OSBPL5: variants seen among roughly 807,000 people sequenced by gnomAD.
The protein encoded by OSBPL5 is oxysterol-binding protein-related protein 5.
Under a neutral mutation model 111.2 loss-of-function variants are expected in OSBPL5, and 71 were observed. The observed-to-expected ratio is 0.64, with a 90% CI of 0.53 to 0.78. The LOEUF (loss-of-function observed/expected upper bound fraction) is 0.78. OSBPL5 is among the 30% of genes least tolerant of loss of function. The pLI is 0.00. For synonymous variants in OSBPL5, 549 were observed against 513.9 expected, an observed-to-expected ratio of 1.07 and a Z score of -0.93; for missense variants, 1,210 against 1,189.3, an observed-to-expected ratio of 1.02 and a Z score of -0.26.
In OSBPL5 at chr11:3,142,952, A is replaced by T. The variant is rs916343202; in HGVS notation, c.-21-13783T>A. Reference sequence around the variant, plus strand: ...TGAGCAGAGACCCTTGGGACCCAGCATCTGGGTCTGGACGGTCCTGGAGCC... The same window carrying T: ...TGAGCAGAGACCCTTGGGACCCAGCTTCTGGGTCTGGACGGTCCTGGAGCC... On this transcript the variant is annotated intron_variant, in intron 1 of 21. Transcript: ENST00000263650. This position sits in a 1 kb window ranked among gnomAD's most constrained non-coding sequence, Gnocchi z 7.1. 1.4e-5 allele frequency among the ~76,000 whole-genome samples: 2 copies of T among 143,094 alleles called. No homozygotes were observed. The highest frequency in any genetic ancestry group is 2.6e-5 in the African/African-American group (1 of 38,740). 93.9% of individuals were successfully genotyped at this position (143,094 alleles called of 152,430 possible). A position where few individuals can be genotyped will look rare whatever the true frequency, so the allele number is the denominator to read the frequency against.
intron 1 of OSBPL5, among the ~76,000 whole-genome samples, chr11:3,135,935 C>T (rs1027617739): frequency 1.6e-4 from 24 of 152,228 alleles, no homozygotes; most frequent in African/African-American, 5.3e-4. Flanking sequence ...GACCACCCCT[C>T]CCCAACCCCC....
chr11:3,155,661 C>T (rs1017871555), intron 1 of OSBPL5, among the ~76,000 whole-genome samples: 3 of 147,372 alleles, frequency 2.0e-5, no homozygotes, highest in Non-Finnish European at 4.6e-5. Flanking sequence ...TCACTCACCC[C>T]AGCTCTGCCA....
chr11:3,147,994 C>A (rs1269919677), intron 1 of OSBPL5, among the ~76,000 whole-genome samples: 1 of 152,208 alleles, frequency 6.6e-6, no homozygotes, highest in African/African-American at 2.4e-5. Flanking sequence ...GGTCACTCTC[C>A]TGTTCCTCAT....
chr11:3,134,737 G>A (rs915657858), intron 1 of OSBPL5, among the ~76,000 whole-genome samples: 2 of 151,604 alleles, frequency 1.3e-5, no homozygotes, highest in Admixed American at 6.6e-5. Context: ...GGGCCGGGGA[G>A]CCCACAGGGG....
In OSBPL5 at chr11:3,093,563, A is replaced by C. The variant is rs1393109677; in HGVS notation, c.1910T>G (p.Val637Gly). ...CAGCTCCGTCTGCTCCTCCAGCGGC[A>C]CCGTGTGCTGCCTCAGCCTCTGTCT... is the stretch of plus-strand genomic sequence containing the variant. ...VRRQRLRQHT[V>G]PLEEQTELES... is the part of the protein sequence containing the mutation. Residue 637 changes from valine (V) to glycine (G), a missense_variant, in exon 17 of 22, where the codon GTG becomes GGG. Coordinates refer to ENST00000263650, the MANE Select transcript of OSBPL5 (RefSeq NM_020896.4). The C allele has an allele frequency of 6.2e-7, 1 of 1,611,732 alleles. No homozygotes were observed. The highest frequency in any genetic ancestry group is 8.5e-7 in the Non-Finnish European group (1 of 1,179,924).
rs138994429 is a variant in OSBPL5 at position 3,142,647 on chromosome 11, C to G, written c.-21-13478G>C. On this transcript the variant is annotated intron_variant, in intron 1 of 21. Coordinates refer to ENST00000263650, the MANE Select transcript of OSBPL5 (RefSeq NM_020896.4). This position sits in a 1 kb window ranked among gnomAD's most constrained non-coding sequence, Gnocchi z 7.1. ...TGGGTGGTGCGTTTATCAACAGGAC[C>G]GCTGGTTTCATGTCTCTGTCTCTCC... Among the ~76,000 whole-genome samples the G allele has an allele frequency of 6.6e-6, 1 of 152,166 alleles. No homozygotes were observed. The highest frequency in any genetic ancestry group is 1.5e-5 in the Non-Finnish European group (1 of 68,032).
At chr11:3,136,094 C>T (rs890658839) in intron 1 of OSBPL5, among the ~76,000 whole-genome samples, 1 of 152,234 alleles carries the variant, frequency 6.6e-6, no homozygotes, top group South Asian at 2.1e-4. Context: ...GCCTGGCCAG[C>T]CCTGTGTCCC....
At chr11:3,159,682 G>A (rs1224410102) in intron 1 of OSBPL5, among the ~76,000 whole-genome samples, 1 of 152,204 alleles carries the variant, frequency 6.6e-6, no homozygotes, top group African/African-American at 2.4e-5. Flanking sequence ...GTGCACCTGG[G>A]GAGGGCCAGG....
Position 3,094,252 on chromosome 11 carries a change from C to T in OSBPL5, c.1704G>A (p.Leu568=). Residue 568 remains leucine (L), a synonymous_variant, in exon 15 of 22, where the codon CTG becomes CTA. Coordinates refer to ENST00000263650, the MANE Select transcript of OSBPL5 (RefSeq NM_020896.4). The part of the protein sequence containing the change: ...ECAKNNFQAQ[L]EFKLKPFFGG... ...CCAGCGCTACCTTGAGTTTGAATTC[C>T]AGCTGGGCCTGGAAGTTGTTCTTCG... 6.2e-7 allele frequency: 1 copy of T among 1,613,524 alleles called. No individual in the cohort carries two copies. The highest frequency in any genetic ancestry group is 8.5e-7 in the Non-Finnish European group (1 of 1,179,956).
intron 13 of OSBPL5, 99 bp downstream of exon 13, chr11:3,101,504 C>A (rs909876753): frequency 1.3e-5 from 15 of 1,131,164 alleles, no homozygotes; most frequent in Non-Finnish European, 1.9e-5. Context: ...GGGACAGGCA[C>A]ATGGCCCCCA....
rs990919298 is a variant in OSBPL5, at chr11:3,092,748, C to T, written c.2132+119G>A. 1.5e-5 allele frequency: 20 copies of T among 1,376,728 alleles called. No homozygotes were observed. The highest frequency in any genetic ancestry group is 8.9e-5 in the South Asian group (6 of 67,398). 85.3% of individuals were successfully genotyped at this position (1,376,728 alleles called of 1,614,324 possible). A position where few individuals can be genotyped will look rare whatever the true frequency, so the allele number is the denominator to read the frequency against. On this transcript the variant is annotated intron_variant, in intron 18 of 21. Transcript: ENST00000263650. This position sits in a 1 kb window ranked among gnomAD's most constrained non-coding sequence, Gnocchi z 5.4. ...GTGTCACTATCTGACCCTCCCCCAC[C>T]GACTCCTCCAGGGGACAGGCTGAAG...
intron 10 of OSBPL5, among the ~76,000 whole-genome samples, chr11:3,103,726 G>GCAGC (rs1857546562): frequency 2.7e-5 from 2 of 73,120 alleles, no homozygotes; most frequent in South Asian, 4.5e-4. Context: ...AGGCTCTGCT[G>GCAGC]CCCCTTCCTG....
At chr11:3,096,947 G>GAGAGGAAAGAGGGGGA (rs1564824374) in intron 14 of OSBPL5, among the ~76,000 whole-genome samples, 10 of 126,866 alleles carry the variant, frequency 7.9e-5, no homozygotes, top group African/African-American at 1.2e-4. Flanking sequence ...AAAGAGGGAG[G>GAGAGGAAAGAGGGGGA]AGATGGGAGG....
At chr11:3,125,831 A>C (rs1353730952) in intron 3 of OSBPL5, among the ~76,000 whole-genome samples, 2 of 150,550 alleles carry the variant, frequency 1.3e-5, no homozygotes, top group East Asian at 3.9e-4. Context: ...AAATACAAAA[A>C]ATTGGCCGGC....
intron 2 of OSBPL5, 108 bp downstream of exon 2, chr11:3,128,905 G>T: frequency 9.4e-7 from 1 of 1,062,464 alleles, no homozygotes; most frequent in Non-Finnish European, 1.3e-6. Flanking sequence ...ACAGTCCCCA[G>T]CATGGAAGCT....
In OSBPL5 at chr11:3,130,985, C is replaced by G. The variant is rs1358221175; in HGVS notation, c.-21-1816G>C. On this transcript the variant is annotated intron_variant, in intron 1 of 21. Transcript: ENST00000263650. The surrounding 1 kb of genome is among the most constrained non-coding windows in gnomAD (Gnocchi z 4.5). ...AAGGTAAGTGAGCAGCGATCCTGCT[C>G]TCAGGACCCACAGAGAGCCCCGGAA... Among the ~76,000 whole-genome samples, 1 of 152,162 alleles carries G rather than the reference C, an allele frequency of 6.6e-6. No individual in the cohort carries two copies. Among genetic ancestry groups the G allele is most frequent in the Non-Finnish European group, 1.5e-5 (1 of 68,024 alleles).
intron 3 of OSBPL5, among the ~76,000 whole-genome samples, chr11:3,125,992 G>A (rs1478941247): frequency 2.6e-5 from 4 of 152,102 alleles, no homozygotes; most frequent in Non-Finnish European, 4.4e-5. Flanking sequence ...AAAGAAAAAG[G>A]AAAAAAGAAA....
Position 3,107,721 on chromosome 11 carries a change from A to C in OSBPL5, c.866+50T>G. The stretch of plus-strand genomic sequence containing the variant: ...GTCCTCTCCCCTCTTCCTCGCCTAC[A>C]AGGAGACCCCGTGAATCACCACCAG... On this transcript the variant is annotated intron_variant, in intron 8 of 21. Coordinates refer to ENST00000263650, the MANE Select transcript of OSBPL5 (RefSeq NM_020896.4). This position sits in a 1 kb window ranked among gnomAD's most constrained non-coding sequence, Gnocchi z 6.1. 1 of 1,596,786 alleles carries C rather than the reference A, an allele frequency of 6.3e-7. No individual in the cohort carries two copies. The highest frequency in any genetic ancestry group is 8.5e-7 in the Non-Finnish European group (1 of 1,173,592).
intron 1 of OSBPL5, among the ~76,000 whole-genome samples, chr11:3,148,487 G>T (rs1441708480): frequency 6.6e-6 from 1 of 152,240 alleles, no homozygotes; most frequent in Non-Finnish European, 1.5e-5. Context: ...TCACAGAAGA[G>T]AGAGGAACGG....
Sources: gnomAD v4.1 joint callset for allele counts (sites outside exome capture counted in the v4.1 genomes callset) on GRCh38, gnomAD v4.1.1 for gene constraint, Gnocchi (gnomAD v3.1) non-coding constraint, MANE v1.5 for transcripts, NCBI Gene and HGNC (gene_info 2026-07-23, HGNC 2026-07-21) for gene names.